KREMEN1: variants seen among roughly 807,000 people sequenced by gnomAD.
KREMEN1 encodes kremen protein 1.
A neutral mutation model predicts 46.5 loss-of-function variants in KREMEN1; 30 were observed. That is an observed-to-expected ratio of 0.65 (90% CI 0.48 to 0.88). The LOEUF is 0.88. Among genes scored for constraint, KREMEN1 ranks in the 40% least tolerant of loss-of-function variants. The probability of loss-of-function intolerance (pLI) is 0.00; values close to 1 mark genes in which losing one functional copy is unlikely to be tolerated. For missense variants in KREMEN1, 533 were observed against 596.9 expected (o/e 0.89, Z 1.11); for synonymous variants, 214 against 230.6 (o/e 0.93, Z 0.65).
In KREMEN1 at chr22:29,137,444, C is replaced by A; in HGVS notation, c.734C>A (p.Thr245Asn). 1 of 1,601,786 alleles carries A rather than the reference C, an allele frequency of 6.2e-7. No homozygotes were observed. The highest frequency in any genetic ancestry group is 1.1e-5 in the South Asian group (1 of 90,616). Residue 245 changes from threonine (T) to asparagine (N), a missense_variant, in exon 6 of 9, where the codon ACC (threonine) becomes AAC (asparagine). Coordinates refer to ENST00000400335, the MANE Select transcript of KREMEN1 (RefSeq NM_001039570.3). The stretch of plus-strand genomic sequence containing the variant: ...GCCACGGGGAGGGTCTGCTACTGGA[C>A]CATCCGGGTTCCGGGGGCCTCCCAC... Reference protein sequence around the residue: ...TYATGRVCYWTIRVPGASHIH... With the variant: ...TYATGRVCYWNIRVPGASHIH...
At chr22:29,157,428 C>T (rs2038973106) in intron 9 of KREMEN1, among the ~76,000 whole-genome samples, 1 of 152,240 alleles carries the variant, frequency 6.6e-6, no homozygotes, top group Non-Finnish European at 1.5e-5. Context: ...ACCTCCACCT[C>T]CTGGGTTCAG....
rs2038846766 is a variant in KREMEN1 at position 29,145,657 on chromosome 22, G to C, written c.*3545G>C. The C allele has an allele frequency of 9.1e-6, 9 of 985,540 alleles. No homozygotes were observed. Among genetic ancestry groups the C allele is most frequent in the Middle Eastern group, 5.2e-4 (1 of 1,914 alleles). 61.0% of individuals were successfully genotyped at this position (985,540 alleles called of 1,614,324 possible). On this transcript the variant is annotated 3_prime_UTR_variant, in exon 9 of 9. Coordinates refer to ENST00000400335, the MANE Select transcript of KREMEN1 (RefSeq NM_001039570.3). Reference sequence around the variant, plus strand: ...CCTGTTCTTCCCCGTTTGTCCAGTTGCTTGCAAAGCAGAGAATGAGTAGGA... The same window carrying C: ...CCTGTTCTTCCCCGTTTGTCCAGTTCCTTGCAAAGCAGAGAATGAGTAGGA...
At chr22:29,138,290 AG>A (rs1345949195) in intron 6 of KREMEN1, among the ~76,000 whole-genome samples, 5 of 152,234 alleles carry the variant, frequency 3.3e-5, no homozygotes, top group Admixed American at 6.5e-5. Context: ...CTTGAGGAAC[AG>A]GTAGCATTTG....
chr22:29,074,218 G>A (rs1321884338), intron 1 of KREMEN1, among the ~76,000 whole-genome samples: 2 of 152,358 alleles, frequency 1.3e-5, no homozygotes, highest in South Asian at 2.1e-4. Flanking sequence ...CAGACGGACG[G>A]GACGTGCCCT....
Position 29,094,515 on chromosome 22 carries a change from T to C in KREMEN1, c.260+95T>C. 4 of 1,103,614 alleles carry C rather than the reference T, an allele frequency of 3.6e-6. No individual in the cohort carries two copies. The Middle Eastern group carries it at 9.3e-4, about 255-fold the overall frequency. 68.4% of individuals were successfully genotyped at this position (1,103,614 alleles called of 1,614,324 possible). Reference sequence around the variant, plus strand: ...TCCCAGCTCACAACTAGGGGAAGTCTTTTGACCAACTCAAGAGACTTATCT... The same window carrying C: ...TCCCAGCTCACAACTAGGGGAAGTCCTTTGACCAACTCAAGAGACTTATCT... On this transcript the variant is annotated intron_variant, in intron 2 of 8. Transcript: ENST00000400335.
chr22:29,129,180 A>C (rs979820330), intron 5 of KREMEN1, among the ~76,000 whole-genome samples: 4 of 152,114 alleles, frequency 2.6e-5, no homozygotes, highest in Non-Finnish European at 5.9e-5. Context: ...GCACTGTATA[A>C]ATAATCTCTA....
chr22:29,129,089 C>G (rs2038491778), intron 5 of KREMEN1, among the ~76,000 whole-genome samples: 1 of 152,196 alleles, frequency 6.6e-6, no homozygotes, highest in South Asian at 2.1e-4. Flanking sequence ...GGCCCAGATG[C>G]CTGTGGTCTA....
At chr22:29,095,508 G>T (rs62236922) in intron 2 of KREMEN1, among the ~76,000 whole-genome samples, 7,445 of 152,292 alleles carry the variant, frequency 0.049, 227 homozygotes, top group Middle Eastern at 0.095. Flanking sequence ...GCAATGCATT[G>T]AATTTAATTA....
rs528762489 is a variant in KREMEN1 at position 29,084,157 on chromosome 22, T to C, written c.98-10101T>C. On this transcript the variant is annotated intron_variant, in intron 1 of 8. Coordinates refer to ENST00000400335, the MANE Select transcript of KREMEN1 (RefSeq NM_001039570.3). Reference sequence around the variant, plus strand: ...TGTCTTTTGGCATGCTAATATATTATAATTAGTGTGTAATGAGCTGTGAGG... The same window carrying C: ...TGTCTTTTGGCATGCTAATATATTACAATTAGTGTGTAATGAGCTGTGAGG... Among the ~76,000 whole-genome samples the C allele has an allele frequency of 5.3e-5, 8 of 152,242 alleles. No individual in the cohort carries two copies. The East Asian group carries it at 1.2e-3, about 22-fold the overall frequency.
At position 29,095,668 on chromosome 22, in the gene KREMEN1, A is replaced by G. The variant is rs1441287899; in HGVS notation, c.260+1248A>G. Among the ~76,000 whole-genome samples the G allele has an allele frequency of 2.0e-5, 3 of 152,126 alleles. No individual in the cohort carries two copies. In the East Asian group the frequency reaches 5.8e-4, roughly 29 times the overall value. ...GCTGAGCCAACATATATTTTCCTGT[A>G]TTGTATGGGCCACACTGTTTACCTT... is the stretch of plus-strand genomic sequence containing the variant. On this transcript the variant is annotated intron_variant, in intron 2 of 8. Coordinates refer to ENST00000400335, the MANE Select transcript of KREMEN1 (RefSeq NM_001039570.3).
At chr22:29,111,335 G>T (rs1445421337) in intron 3 of KREMEN1, among the ~76,000 whole-genome samples, 2 of 150,876 alleles carry the variant, frequency 1.3e-5, no homozygotes, top group Non-Finnish European at 1.5e-5. Flanking sequence ...AAATTAGGCC[G>T]GGTGCGGTGG....
chr22:29,075,587 T>A (rs1180647389), intron 1 of KREMEN1, among the ~76,000 whole-genome samples: 1 of 152,182 alleles, frequency 6.6e-6, no homozygotes, highest in Non-Finnish European at 1.5e-5. Flanking sequence ...CTTTGCTTTT[T>A]TGACTTTTCC....
chr22:29,138,567 A>G (rs2038706026), intron 6 of KREMEN1, 57 bp from the exon 7 acceptor site: 11 of 1,537,054 alleles, frequency 7.2e-6, no homozygotes, highest in African/African-American at 1.4e-5. Flanking sequence ...CTCCTCCCGC[A>G]CAACTCTTTG....
downstream of KREMEN1, among the ~76,000 whole-genome samples, chr22:29,150,809 A>T (rs1003903709): frequency 4.6e-5 from 7 of 152,204 alleles, no homozygotes; most frequent in Non-Finnish European, 8.8e-5. Context: ...TGTGTACCAG[A>T]CGCTGTGCCA....
rs115984364 is a variant in KREMEN1 at position 29,132,165 on chromosome 22, A to C, written c.632-5177A>C. 9.0e-3 allele frequency among the ~76,000 whole-genome samples: 1,366 copies of C among 151,968 alleles called. 14 individuals are homozygous for C. Among genetic ancestry groups the C allele is most frequent in the African/African-American group, 0.031 (1,303 of 41,440 alleles). ...GGGATTACAGGTGTGAGCCACCACG[A>C]CCGGCCAGAATAATGCTTTATGATT... On this transcript the variant is annotated intron_variant, in intron 5 of 8. Coordinates refer to ENST00000400335, the MANE Select transcript of KREMEN1 (RefSeq NM_001039570.3).
chr22:29,153,772 G>C (rs1350309439), intron 9 of KREMEN1, among the ~76,000 whole-genome samples: 1 of 152,098 alleles, frequency 6.6e-6, no homozygotes, highest in Non-Finnish European at 1.5e-5. Flanking sequence ...CCTGAGGTCA[G>C]GAATTTGAGA....
chr22:29,148,408 A>C (rs1261072099), downstream of KREMEN1, among the ~76,000 whole-genome samples: 4 of 151,776 alleles, frequency 2.6e-5, no homozygotes, highest in Non-Finnish European at 5.9e-5. Flanking sequence ...AGGACAGGAG[A>C]CAAGGACTCC....
At position 29,145,533 on chromosome 22, in the gene KREMEN1, G is replaced by C. The variant is rs778979410; in HGVS notation, c.*3421G>C. 7.1e-6 allele frequency: 7 copies of C among 985,424 alleles called. No homozygotes were observed. In the African/African-American group the frequency reaches 1.2e-4, roughly 17 times the overall value. The allele number at this position is 985,424 out of a possible 1,614,324, so 61.0% of individuals were successfully genotyped here. ...TCACCAGCCGATCTTGTCACTCTCC[G>C]TGGTGACAGTGTCTTGGCCAGCTGT... On this transcript the variant is annotated 3_prime_UTR_variant, in exon 9 of 9. Coordinates refer to ENST00000400335, the MANE Select transcript of KREMEN1 (RefSeq NM_001039570.3).
At chr22:29,141,818 A>G (rs2038766653) in intron 8 of KREMEN1, 126 bp from the exon 9 acceptor site, 1 of 634,010 alleles carries the variant, frequency 1.6e-6, no homozygotes, top group Admixed American at 3.7e-5. Context: ...TCAGATCTTT[A>G]GAGGTGGCTG....
Sources: allele counts gnomAD v4.1 joint callset (sites outside exome capture counted in the v4.1 genomes callset), GRCh38; gene constraint gnomAD v4.1.1; transcripts MANE v1.5; gene names NCBI Gene and HGNC (gene_info 2026-07-23, HGNC 2026-07-21).